The following CNTLN variants were observed in gnomAD, a reference collection of about 807,000 sequenced individuals.
CNTLN encodes the protein centlein.
A neutral mutation model predicts 180.0 loss-of-function variants in CNTLN; 212 were observed. The observed-to-expected ratio is 1.18, with a 90% CI of 1.05 to 1.32. The LOEUF is 1.32. Among genes scored for constraint, CNTLN ranks in the 40% most tolerant of loss-of-function variants. CNTLN has a pLI of 0.00. For missense variants in CNTLN, 2,095 were observed against 1,610.9 expected (o/e 1.30, Z -5.14); for synonymous variants, 722 against 563.1 (o/e 1.28, Z -3.99).
intron 16 of CNTLN, among the ~76,000 whole-genome samples, chr9:17,409,919 G>T (rs754791115): frequency 1.3e-5 from 2 of 151,938 alleles, no homozygotes; most frequent in Non-Finnish European, 2.9e-5. Flanking sequence ...AATTCCTACT[G>T]CTGATACATC....
intron 24 of CNTLN, among the ~76,000 whole-genome samples, chr9:17,485,294 C>G (rs1212296310): frequency 6.6e-6 from 1 of 152,106 alleles, no homozygotes; most frequent in African/African-American, 2.4e-5. Context: ...CTCTGGCCCC[C>G]TCTTCAGCTT....
intron 23 of CNTLN, among the ~76,000 whole-genome samples, chr9:17,476,339 A>G (rs1832345073): frequency 6.6e-6 from 1 of 152,162 alleles, no homozygotes; most frequent in South Asian, 2.1e-4. Flanking sequence ...TAGGCCAACT[A>G]ATAATTCTGT....
chr9:17,392,147 G>T (rs570571533), intron 14 of CNTLN, among the ~76,000 whole-genome samples: 1 of 152,072 alleles, frequency 6.6e-6, no homozygotes, highest in Admixed American at 6.6e-5. Context: ...CATGCCTCTG[G>T]TCCTAGCTCC....
chr9:17,479,357 A>C (rs1452559322), intron 23 of CNTLN, among the ~76,000 whole-genome samples: 1 of 152,200 alleles, frequency 6.6e-6, no homozygotes, highest in East Asian at 1.9e-4. Flanking sequence ...ATTACCCTTA[A>C]ACAAAGAAGG....
At chr9:17,510,404 T>C in the CNTLN span, among the ~76,000 whole-genome samples, 1 of 152,222 alleles carries the variant, frequency 6.6e-6, no homozygotes, top group Non-Finnish European at 1.5e-5. Flanking sequence ...AAGGGTGGAC[T>C]TGATGAATTT....
chr9:17,407,513 G>T (rs1827487048), intron 15 of CNTLN, among the ~76,000 whole-genome samples: 2 of 152,186 alleles, frequency 1.3e-5, no homozygotes, highest in Non-Finnish European at 2.9e-5. Context: ...AAAGATCTCA[G>T]TAGACTGGGA....
chr9:17,147,292 C>T (rs938996041), intron 2 of CNTLN, among the ~76,000 whole-genome samples: 14 of 152,148 alleles, frequency 9.2e-5, no homozygotes, highest in African/African-American at 2.7e-4. Context: ...CTTTTCTGGA[C>T]AAATGATTTT....
chr9:17,387,981 C>A (rs1398046926), intron 13 of CNTLN, among the ~76,000 whole-genome samples, 181 bp from the exon 14 acceptor site: 1 of 144,954 alleles, frequency 6.9e-6, no homozygotes, highest in African/African-American at 2.5e-5. Context: ...TACAAAGATA[C>A]ATAATTATGT....
intron 7 of CNTLN, chr9:17,299,014 C>T (rs549781618): frequency 4.4e-5 from 35 of 792,630 alleles, no homozygotes; most frequent in East Asian, 1.3e-4. Flanking sequence ...GAGGCTGAGG[C>T]GGGCGAATCA....
chr9:17,248,391 T>TAA (rs1825931230), intron 5 of CNTLN, among the ~76,000 whole-genome samples: 1 of 152,010 alleles, frequency 6.6e-6, no homozygotes, highest in Non-Finnish European at 1.5e-5. Flanking sequence ...GAGATTTTGA[T>TAA]AACTGATTCA....
intron 18 of CNTLN, among the ~76,000 whole-genome samples, chr9:17,456,231 A>G (rs1356239110): frequency 6.6e-6 from 1 of 152,132 alleles, no homozygotes; most frequent in Non-Finnish European, 1.5e-5. Context: ...TAAGGAGATT[A>G]AGAGTTTACT....
At chr9:17,419,743 T>G (rs2133911826) in intron 18 of CNTLN, among the ~76,000 whole-genome samples, 1 of 152,212 alleles carries the variant, frequency 6.6e-6, no homozygotes, top group Non-Finnish European at 1.5e-5. Flanking sequence ...AGATAGAAAA[T>G]GTGATAAATA....
At chr9:17,500,497 T>C (rs1564156351) in intron 25 of CNTLN, among the ~76,000 whole-genome samples, 1 of 152,184 alleles carries the variant, frequency 6.6e-6, no homozygotes, top group Non-Finnish European at 1.5e-5. Flanking sequence ...ACAACCAGCA[T>C]GTTCCCCAAG....
intron 2 of CNTLN, among the ~76,000 whole-genome samples, chr9:17,200,443 C>G (rs76484282): frequency 1.3e-5 from 2 of 152,064 alleles, no homozygotes; most frequent in Non-Finnish European, 2.9e-5. Context: ...GCCATTTTTA[C>G]GATATTGATT....
At chr9:17,344,448 C>CT (rs1821720736) in intron 12 of CNTLN, among the ~76,000 whole-genome samples, 3 of 151,942 alleles carry the variant, frequency 2.0e-5, no homozygotes, top group Admixed American at 6.6e-5. Context: ...TTAACGTAAG[C>CT]TTTTTTGGGG....
intron 10 of CNTLN, among the ~76,000 whole-genome samples, chr9:17,334,655 A>G (rs1332717136): frequency 6.6e-6 from 1 of 152,176 alleles, no homozygotes; most frequent in Non-Finnish European, 1.5e-5. Context: ...TCCTATGTGA[A>G]CTAATGTAGA....
chr9:17,301,770 G>A lies in CNTLN; in HGVS notation c.1146+3418G>A, dbSNP rs1458987379. ...AGTTAGTAGACATTACAATTGTTTT[G>A]GTGGCTGTATGTAGTTATTTTAAAA... On this transcript the variant is annotated intron_variant, in intron 7 of 25. Transcript: ENST00000380647. 10 of 971,986 alleles carry A rather than the reference G, an allele frequency of 1.0e-5. No homozygotes were observed. In the East Asian group the frequency reaches 1.1e-3, roughly 112 times the overall value. 60.2% of individuals were successfully genotyped at this position (971,986 alleles called of 1,614,324 possible). A position where few individuals can be genotyped will look rare whatever the true frequency, so the allele number is the denominator to read the frequency against.
chr9:17,290,713 T>G (rs1249716213), intron 6 of CNTLN, among the ~76,000 whole-genome samples: 3 of 151,658 alleles, frequency 2.0e-5, no homozygotes, highest in African/African-American at 4.8e-5. Context: ...ATCTCATGGT[T>G]CGCCGCTTTT....
chr9:17,226,093 A>G (rs1176506018), intron 2 of CNTLN, 110 bp from the exon 3 acceptor site: 3 of 550,268 alleles, frequency 5.5e-6, no homozygotes, highest in East Asian at 7.1e-5. Context: ...TGGTCAACTC[A>G]AGATGATTTA....
Sources: allele counts gnomAD v4.1 joint callset (sites outside exome capture counted in the v4.1 genomes callset), GRCh38; gene constraint gnomAD v4.1.1; transcripts MANE v1.5; gene names NCBI Gene and HGNC (gene_info 2026-07-23, HGNC 2026-07-21).